TBCD: variants seen among roughly 807,000 people sequenced by gnomAD.
TBCD encodes the protein tubulin folding cofactor D.
A neutral mutation model predicts 169.3 loss-of-function variants in TBCD; 105 were observed. The ratio of observed to expected loss-of-function variants is 0.62; its 90% CI spans 0.53 to 0.73. The LOEUF (loss-of-function observed/expected upper bound fraction) is 0.73. Among genes scored for constraint, TBCD ranks in the 30% least tolerant of loss-of-function variants. The probability of loss-of-function intolerance (pLI) is 0.00; values close to 1 mark genes in which losing one functional copy is unlikely to be tolerated. For missense variants in TBCD, 1,444 were observed against 1,600.1 expected, an observed-to-expected ratio of 0.90 and a Z score of 1.66; for synonymous variants, 700 against 643.9, an observed-to-expected ratio of 1.09 and a Z score of -1.32.
intron 13 of TBCD, among the ~76,000 whole-genome samples, chr17:82,868,147 G>T (rs769263091): frequency 1.3e-5 from 2 of 152,190 alleles, no homozygotes; most frequent in Non-Finnish European, 2.9e-5. Flanking sequence ...GGAATGGCGC[G>T]GTGTCTGGAT....
rs668990 is a variant in TBCD, at chr17:82,807,446, C to A, written c.1088-162C>A. Among the ~76,000 whole-genome samples the A allele has an allele frequency of 0.38, 57,440 of 152,026 alleles. 10,964 individuals are homozygous for A. Among genetic ancestry groups the A allele is most frequent in the Middle Eastern group, 0.42 (124 of 292 alleles). On this transcript the variant is annotated intron_variant, in intron 10 of 38. Coordinates refer to ENST00000355528, the MANE Select transcript of TBCD (RefSeq NM_005993.5). ...ATGGCTGTATGTGATGATTTGAGAA[C>A]GGAGGGAAGGAAATGTTCTTTTCCT...
intron 23 of TBCD, among the ~76,000 whole-genome samples, chr17:82,916,215 CGTTT>C (rs986766642): frequency 6.6e-6 from 1 of 152,068 alleles, no homozygotes; most frequent in Non-Finnish European, 1.5e-5. Context: ...GGCACCCTCT[CGTTT>C]GTTTATACCA....
intron 7 of TBCD, among the ~76,000 whole-genome samples, chr17:82,796,700 G>A (rs552882407): frequency 6.6e-6 from 1 of 152,332 alleles, no homozygotes; most frequent in East Asian, 1.9e-4. Context: ...TGCCTTTGCT[G>A]CTTCTCCACT....
At chr17:82,867,861 C>A (rs1437666600) in intron 13 of TBCD, among the ~76,000 whole-genome samples, 1 of 152,184 alleles carries the variant, frequency 6.6e-6, no homozygotes, top group Non-Finnish European at 1.5e-5. Flanking sequence ...TGGCCTTTAC[C>A]CTCAGTGCCT....
At chr17:82,893,293 T>G in intron 16 of TBCD, 1 of 504,006 alleles carries the variant, frequency 2.0e-6, no homozygotes, top group East Asian at 3.4e-5. Context: ...AATGTTTGAG[T>G]TGTTTGAAAA....
intron 36 of TBCD, 148 bp downstream of exon 36, chr17:82,938,284 A>T: frequency 1.1e-6 from 1 of 897,318 alleles, no homozygotes; most frequent in Non-Finnish European, 1.7e-6. Flanking sequence ...CGTCACAGGC[A>T]CGCGGCTGCC....
At chr17:82,893,756 G>T in intron 17 of TBCD, 124 bp downstream of exon 17, 1 of 730,386 alleles carries the variant, frequency 1.4e-6, no homozygotes, top group Non-Finnish European at 2.2e-6. Flanking sequence ...TAGTTTTTGT[G>T]TGAAAAATTA....
At chr17:82,940,974 TAGAATTTAAAG>T (rs888024872) in intron 37 of TBCD, among the ~76,000 whole-genome samples, 90 of 152,306 alleles carry the variant, frequency 5.9e-4, no homozygotes, top group African/African-American at 2.1e-3. Context: ...AAAAAATCCT[TAGAATTTAAAG>T]AGAATATTTT....
intron 14 of TBCD, 38 bp downstream of exon 14, chr17:82,870,418 C>G: frequency 1.9e-6 from 3 of 1,596,086 alleles, no homozygotes; most frequent in Non-Finnish European, 2.6e-6. Flanking sequence ...ATGCGCCGTG[C>G]CCCCTGACGG....
intron 30 of TBCD, 90 bp downstream of exon 30, chr17:82,928,078 G>A: frequency 8.6e-7 from 1 of 1,166,492 alleles, no homozygotes; most frequent in Admixed American, 1.8e-5. Context: ...GTGCTCAGTG[G>A]CATTTGCACT....
intron 6 of TBCD, among the ~76,000 whole-genome samples, chr17:82,779,839 G>A (rs1009167087): frequency 6.6e-6 from 1 of 152,182 alleles, no homozygotes; most frequent in Non-Finnish European, 1.5e-5. Context: ...CTTGCCTGGG[G>A]TCTCCACGTA....
At chr17:82,816,596 C>T (rs1037348108) in intron 13 of TBCD, among the ~76,000 whole-genome samples, 1 of 151,778 alleles carries the variant, frequency 6.6e-6, no homozygotes, top group African/African-American at 2.4e-5. Flanking sequence ...TGTGGTGATG[C>T]AATCTCTGCT....
intron 13 of TBCD, chr17:82,860,381 C>G (rs1207128909): frequency 1.2e-5 from 12 of 985,492 alleles, no homozygotes; most frequent in Non-Finnish European, 1.2e-5. Flanking sequence ...GGCTCTTTTC[C>G]CTGTGGTGGC....
Position 82,926,508 on chromosome 17 carries a change from C to A in TBCD, c.2471+17C>A. On this transcript the variant is annotated intron_variant, in intron 28 of 38. Coordinates refer to ENST00000355528, the MANE Select transcript of TBCD (RefSeq NM_005993.5). ...CATTGCGAGGTGAGTCCCAACAGTT[C>A]CTCCCTAAAGTCGTAAGTCTCTGAA... 6.2e-7 allele frequency: 1 copy of A among 1,610,828 alleles called. No homozygotes were observed. The highest frequency in any genetic ancestry group is 8.5e-7 in the Non-Finnish European group (1 of 1,177,354).
At chr17:82,928,467 C>T (rs1051029894) in intron 30 of TBCD, among the ~76,000 whole-genome samples, 8 of 151,802 alleles carry the variant, frequency 5.3e-5, no homozygotes, top group Non-Finnish European at 1.0e-4. Context: ...CAGGCCCTGC[C>T]CTTTCTGTCG....
chr17:82,767,150 G>A (rs2048054399), intron 4 of TBCD, among the ~76,000 whole-genome samples: 1 of 152,194 alleles, frequency 6.6e-6, no homozygotes, highest in African/African-American at 2.4e-5. Flanking sequence ...CTCGTCAGGG[G>A]CCTTGCCTCA....
chr17:82,846,206 C>CCCT (rs2055028999), intron 13 of TBCD, among the ~76,000 whole-genome samples: 17 of 151,930 alleles, frequency 1.1e-4, no homozygotes, highest in Non-Finnish European at 1.6e-4. Flanking sequence ...GTGCTGCGTC[C>CCCT]GGCATGCCAC....
chr17:82,937,549 G>A, intron 35 of TBCD, 189 bp downstream of exon 35: 2 of 625,740 alleles, frequency 3.2e-6, no homozygotes, highest in Non-Finnish European at 5.6e-6. Flanking sequence ...TGCTGGTGGA[G>A]GGAGTTCCCG....
chr17:82,855,108 C>T (rs1292739968), intron 13 of TBCD, among the ~76,000 whole-genome samples: 8 of 152,124 alleles, frequency 5.3e-5, no homozygotes, highest in Admixed American at 6.5e-5. Flanking sequence ...GTCCACCTCA[C>T]GGACCCCTCT....
Sources: gnomAD v4.1 joint callset for allele counts (sites outside exome capture counted in the v4.1 genomes callset) on GRCh38, gnomAD v4.1.1 for gene constraint, MANE v1.5 for transcripts, NCBI Gene and HGNC (gene_info 2026-07-23, HGNC 2026-07-21) for gene names.